Variants in CDH13 observed in about 807,000 individuals in gnomAD.
CDH13 encodes the protein cadherin 13.
In CDH13, 24 loss-of-function variants were observed where a neutral mutation model predicts 63.8. The observed-to-expected ratio is 0.38, with a 90% confidence interval of 0.27 to 0.53. CDH13 has a LOEUF of 0.53. Ranked by LOEUF, CDH13 falls within the 20% of genes least tolerant of loss-of-function variation. The pLI is 0.85. For synonymous variants in CDH13, 503 were observed against 355.3 expected (o/e 1.42, Z -4.67); for missense variants, 1,049 against 903.1 (o/e 1.16, Z -2.07).
chr16:83,244,956 T>C (rs1204971238), intron 5 of CDH13, among the ~76,000 whole-genome samples: 1 of 152,116 alleles, frequency 6.6e-6, no homozygotes, highest in African/African-American at 2.4e-5. Context: ...GCCATATCTA[T>C]TTGTACGGTT....
At chr16:83,560,531 G>A (rs2075684475) in intron 7 of CDH13, among the ~76,000 whole-genome samples, 1 of 152,152 alleles carries the variant, frequency 6.6e-6, no homozygotes, top group Admixed American at 6.5e-5. Flanking sequence ...GGGGATTGGT[G>A]TGGTATTAGA....
At chr16:83,781,445 A>G (rs1345359514) in intron 12 of CDH13, among the ~76,000 whole-genome samples, 2 of 152,210 alleles carry the variant, frequency 1.3e-5, no homozygotes, top group Non-Finnish European at 2.9e-5. Context: ...ACAGAGAATT[A>G]CGCATTTCAT....
At chr16:83,159,124 C>G (rs75836395) in intron 4 of CDH13, among the ~76,000 whole-genome samples, 1,819 of 151,812 alleles carry the variant, frequency 0.012, 37 homozygotes, top group African/African-American at 0.041. Flanking sequence ...TTTTCTGTCT[C>G]GGTAAAAGTT....
intron 2 of CDH13, among the ~76,000 whole-genome samples, chr16:82,975,035 C>G (rs907369974): frequency 1.3e-5 from 2 of 152,236 alleles, no homozygotes; most frequent in Admixed American, 6.5e-5. Context: ...GAAGTCCTCA[C>G]GTCTGCACAC....
chr16:83,793,408 C>A (rs1041332960), intron 13 of CDH13, among the ~76,000 whole-genome samples: 1 of 152,174 alleles, frequency 6.6e-6, no homozygotes, highest in Non-Finnish European at 1.5e-5. Context: ...TGGAGCCAGC[C>A]CCGCAGCTGG....
At chr16:83,770,350 C>T (rs1914679239) in intron 11 of CDH13, among the ~76,000 whole-genome samples, 1 of 152,210 alleles carries the variant, frequency 6.6e-6, no homozygotes, top group Non-Finnish European at 1.5e-5. Context: ...AATTGCCAGG[C>T]ATTCCATTCA....
At chr16:83,510,069 A>G (rs2074520896) in intron 7 of CDH13, among the ~76,000 whole-genome samples, 1 of 152,144 alleles carries the variant, frequency 6.6e-6, no homozygotes, top group Non-Finnish European at 1.5e-5. Flanking sequence ...TGATTCCTTG[A>G]CTCAGCCCAG....
intron 1 of CDH13, among the ~76,000 whole-genome samples, chr16:82,650,249 T>A (rs1910570829): frequency 6.6e-6 from 1 of 152,020 alleles, no homozygotes; most frequent in South Asian, 2.1e-4. Context: ...TTCTCCTTTT[T>A]GAAAAAAGAG....
intron 6 of CDH13, among the ~76,000 whole-genome samples, chr16:83,406,175 A>G (rs767134434): frequency 6.6e-6 from 1 of 152,224 alleles, no homozygotes; most frequent in Non-Finnish European, 1.5e-5. Context: ...TGAAAGGGCA[A>G]TTCTGAGATG....
At chr16:82,889,590 T>C (rs2041009306) in intron 2 of CDH13, among the ~76,000 whole-genome samples, 1 of 152,198 alleles carries the variant, frequency 6.6e-6, no homozygotes, top group Non-Finnish European at 1.5e-5. Flanking sequence ...GTTTATAGTA[T>C]CCACAGGATA....
At chr16:83,106,344 C>T (rs768414882) in intron 3 of CDH13, among the ~76,000 whole-genome samples, 1 of 152,212 alleles carries the variant, frequency 6.6e-6, no homozygotes, top group East Asian at 1.9e-4. Context: ...TCGAGACGAG[C>T]CTGGCCAACG....
intron 11 of CDH13, among the ~76,000 whole-genome samples, chr16:83,771,946 T>G (rs1914786682): frequency 6.6e-6 from 1 of 152,218 alleles, no homozygotes; most frequent in South Asian, 2.1e-4. Context: ...AACACATGTC[T>G]TTCTAATAAG....
chr16:83,753,219 T>C (rs1329231568), intron 11 of CDH13, among the ~76,000 whole-genome samples: 1 of 152,202 alleles, frequency 6.6e-6, no homozygotes, highest in Non-Finnish European at 1.5e-5. Context: ...GTATTATGTT[T>C]AACCCGGAAA....
At chr16:83,209,620 A>G (rs1016620942) in intron 4 of CDH13, among the ~76,000 whole-genome samples, 2 of 152,176 alleles carry the variant, frequency 1.3e-5, no homozygotes, top group African/African-American at 4.8e-5. Flanking sequence ...ATAAAGTTGT[A>G]CTTCTTCACT....
intron 1 of CDH13, among the ~76,000 whole-genome samples, chr16:82,640,257 G>A (rs1488236063): frequency 2.0e-5 from 3 of 152,178 alleles, no homozygotes; most frequent in Non-Finnish European, 4.4e-5. Context: ...GCATAGAGAT[G>A]AAATGTGCTA....
chr16:83,751,790 G>C (rs1289865018), intron 11 of CDH13, among the ~76,000 whole-genome samples: 2 of 152,210 alleles, frequency 1.3e-5, no homozygotes, highest in African/African-American at 4.8e-5. Context: ...GCAATATTCA[G>C]GTTTCTGGTC....
chr16:83,480,301 G>A (rs1326392112), intron 6 of CDH13, among the ~76,000 whole-genome samples: 1 of 152,198 alleles, frequency 6.6e-6, no homozygotes, highest in African/African-American at 2.4e-5. Flanking sequence ...AGGTGACAGA[G>A]GGAGACCCTG....
In CDH13 at chr16:82,971,555, A is replaced by T. The variant is rs184580804; in HGVS notation, c.158-60455A>T. ...CATCTAACCCAGACCTCTGGCTACAAACTCTGGACATCATCCAGTTCACCA... is the reference window on the plus strand; with the variant it reads ...CATCTAACCCAGACCTCTGGCTACATACTCTGGACATCATCCAGTTCACCA... On this transcript the variant is annotated intron_variant, in intron 2 of 13. Coordinates refer to ENST00000567109, the MANE Select transcript of CDH13 (RefSeq NM_001257.5). Among the ~76,000 whole-genome samples the T allele has an allele frequency of 1.2e-3, 187 of 152,300 alleles. 1 individual carries two copies. Among genetic ancestry groups the T allele is most frequent in the African/African-American group, 4.2e-3 (176 of 41,566 alleles).
intron 9 of CDH13, among the ~76,000 whole-genome samples, chr16:83,672,407 CTCTTTTTTTTTTTTTTTTT>C (rs1914578279): frequency 1.8e-5 from 1 of 55,188 alleles, no homozygotes; most frequent in African/African-American, 5.7e-5. Flanking sequence ...TCTCTGGATT[CTCTTTTTTTTTTTTTTTTT>C]TTTTTTTTTT....
Sources: gnomAD v4.1 joint callset for allele counts (sites outside exome capture counted in the v4.1 genomes callset) on GRCh38, gnomAD v4.1.1 for gene constraint, MANE v1.5 for transcripts, NCBI Gene and HGNC (gene_info 2026-07-23, HGNC 2026-07-21) for gene names.